Variants in FAM20B observed in about 807,000 individuals in gnomAD.
FAM20B encodes glycosaminoglycan xylosylkinase.
A neutral mutation model predicts 43.8 loss-of-function variants in FAM20B; 23 were observed. The observed-to-expected ratio is 0.53, with a 90% CI of 0.38 to 0.74. The LOEUF (loss-of-function observed/expected upper bound fraction) is 0.74. FAM20B is among the 30% of genes least tolerant of loss of function. FAM20B has a pLI of 0.00. For missense variants in FAM20B, 440 were observed against 510.5 expected, an observed-to-expected ratio of 0.86 and a Z score of 1.33; for synonymous variants, 178 against 192.4, an observed-to-expected ratio of 0.93 and a Z score of 0.62.
intron 4 of FAM20B, among the ~76,000 whole-genome samples, chr1:179,062,463 CAATATGGTGAAACCCCATCTCT>C (rs1651508770): frequency 6.6e-6 from 1 of 151,870 alleles, no homozygotes; most frequent in Non-Finnish European, 1.5e-5. Context: ...CCAGCCTGTC[CAATATGGTGAAACCCCATCTCT>C]AATAAAAATA....
Position 179,044,111 on chromosome 1 carries a change from G to A in FAM20B, c.264G>A (p.Met88Ile). 6.2e-7 allele frequency: 1 copy of A among 1,614,162 alleles called. No homozygotes were observed. The highest frequency in any genetic ancestry group is 8.5e-7 in the Non-Finnish European group (1 of 1,180,028). The change falls in exon 2 of 8, where the codon ATG becomes ATA. Residue 88 changes from methionine (M) to isoleucine (I), a missense_variant. Transcript: ENST00000263733. The part of the protein sequence containing the change: ...PEETPELGAV[M>I]HAMATKKIIK... ...AGACACCAGAGCTGGGGGCAGTCATGCATGCCATGGCCACCAAGAAAATCA... is the reference window on the plus strand; with the variant it reads ...AGACACCAGAGCTGGGGGCAGTCATACATGCCATGGCCACCAAGAAAATCA...
chr1:179,073,574 C>T lies in FAM20B; in HGVS notation c.*1430C>T, dbSNP rs1470227611. The T allele has an allele frequency of 6.6e-6, 1 of 152,218 alleles. No individual in the cohort carries two copies. The highest frequency in any genetic ancestry group is 1.9e-4 in the East Asian group (1 of 5,196). The allele number at this position is 152,218 out of a possible 1,614,324, so 9.4% of individuals were successfully genotyped here. On this transcript the variant is annotated 3_prime_UTR_variant, in exon 8 of 8. Transcript: ENST00000263733. Reference sequence around the variant, plus strand: ...CTGACCCCAGGTGATCCACCTGCCTCAGCCTTCCAAAGTGCTGGGATTACA... The same window carrying T: ...CTGACCCCAGGTGATCCACCTGCCTTAGCCTTCCAAAGTGCTGGGATTACA...
At chr1:179,061,990 G>A (rs1286065430) in intron 4 of FAM20B, among the ~76,000 whole-genome samples, 1 of 151,460 alleles carries the variant, frequency 6.6e-6, no homozygotes, top group African/African-American at 2.4e-5. Flanking sequence ...TGTGGTCCAG[G>A]ATCATTAAAA....
chr1:179,027,463 C>A (rs914108584), intron 1 of FAM20B, among the ~76,000 whole-genome samples: 1 of 152,212 alleles, frequency 6.6e-6, no homozygotes, highest in African/African-American at 2.4e-5. Flanking sequence ...CATAGCCAAT[C>A]TCAGGGAGAT....
At chr1:179,058,606 T>C (rs1319877034) in intron 4 of FAM20B, among the ~76,000 whole-genome samples, 1 of 152,014 alleles carries the variant, frequency 6.6e-6, no homozygotes, top group Non-Finnish European at 1.5e-5. Context: ...TGCTTAGGAG[T>C]AGAGACTTTC....
At chr1:179,051,980 AAAG>A (rs1017814446) in intron 3 of FAM20B, among the ~76,000 whole-genome samples, 1 of 148,860 alleles carries the variant, frequency 6.7e-6, no homozygotes, top group Middle Eastern at 3.2e-3. Context: ...CCAGAAAAAA[AAAG>A]GTGAAATGTT....
intron 3 of FAM20B, among the ~76,000 whole-genome samples, chr1:179,053,777 A>G (rs1312941138): frequency 6.6e-6 from 1 of 152,186 alleles, no homozygotes; most frequent in Non-Finnish European, 1.5e-5. Flanking sequence ...CATACAATAT[A>G]ATCTCGATTG....
intron 1 of FAM20B, among the ~76,000 whole-genome samples, chr1:179,040,998 C>T (rs1253448905): frequency 1.3e-5 from 2 of 149,488 alleles, no homozygotes; most frequent in Non-Finnish European, 3.0e-5. Flanking sequence ...CAGAGGCGCT[C>T]CCCACATCTC....
intron 1 of FAM20B, among the ~76,000 whole-genome samples, chr1:179,032,475 A>AT (rs892353549): frequency 6.6e-6 from 1 of 151,738 alleles, no homozygotes; most frequent in African/African-American, 2.4e-5. Flanking sequence ...TTCTTGTTTC[A>AT]TTTTTTTATA....
At chr1:179,055,540 A>G (rs1651179528) in intron 4 of FAM20B, among the ~76,000 whole-genome samples, 1 of 152,214 alleles carries the variant, frequency 6.6e-6, no homozygotes, top group South Asian at 2.1e-4. Flanking sequence ...AAAAGCATAC[A>G]ATGTTAGATA....
chr1:179,058,704 A>G (rs915625440), intron 4 of FAM20B, among the ~76,000 whole-genome samples: 1 of 152,228 alleles, frequency 6.6e-6, no homozygotes, highest in Non-Finnish European at 1.5e-5. Flanking sequence ...AGCATTGTCA[A>G]GGGTGCATTG....
upstream of FAM20B, among the ~76,000 whole-genome samples, chr1:179,023,818 AATT>A (rs1649648062): frequency 6.6e-6 from 1 of 152,102 alleles, no homozygotes; most frequent in African/African-American, 2.4e-5. Flanking sequence ...TGTGCTGCAT[AATT>A]TAAGTGTCCC....
At chr1:179,020,851 G>A (rs1018212114), upstream of FAM20B, among the ~76,000 whole-genome samples, 6 of 152,158 alleles carry the variant, frequency 3.9e-5, no homozygotes, top group South Asian at 1.2e-3. Flanking sequence ...CAGGAGGATC[G>A]CTTGAAGTCA....
intron 7 of FAM20B, among the ~76,000 whole-genome samples, chr1:179,068,714 G>A (rs1341935367): frequency 1.3e-5 from 2 of 152,108 alleles, no homozygotes; most frequent in Admixed American, 6.5e-5. Flanking sequence ...CATTACAGGC[G>A]TGAGCCACTG....
rs187354376 is a variant in FAM20B at position 179,046,173 on chromosome 1, G to A, written c.377+1949G>A. Among the ~76,000 whole-genome samples, 3 of 152,246 alleles carry A rather than the reference G, an allele frequency of 2.0e-5. No homozygotes were observed. The East Asian group carries it at 5.8e-4, about 29-fold the overall frequency. ...TATTTGTTAGAGTTGTAAACAGCTTGTATTCTGCCACACACATGGAATTCT... is the reference window on the plus strand; with the variant it reads ...TATTTGTTAGAGTTGTAAACAGCTTATATTCTGCCACACACATGGAATTCT... On this transcript the variant is annotated intron_variant, in intron 2 of 7. Coordinates refer to ENST00000263733, the MANE Select transcript of FAM20B (RefSeq NM_014864.4).
chr1:179,037,643 C>T (rs746955545), intron 1 of FAM20B, among the ~76,000 whole-genome samples: 1 of 151,954 alleles, frequency 6.6e-6, no homozygotes, highest in Non-Finnish European at 1.5e-5. Flanking sequence ...CCCACCACCA[C>T]GCCCAGCTAA....
chr1:179,067,790 G>A (rs193114990), intron 7 of FAM20B, among the ~76,000 whole-genome samples: 4 of 151,906 alleles, frequency 2.6e-5, no homozygotes, highest in Admixed American at 1.3e-4. Flanking sequence ...TTGAGACAGG[G>A]TCTGCATCTG....
intron 4 of FAM20B, among the ~76,000 whole-genome samples, chr1:179,056,831 C>A (rs1366218922): frequency 6.6e-6 from 1 of 152,108 alleles, no homozygotes; most frequent in Admixed American, 6.6e-5. Context: ...CTATTCTAAT[C>A]TAGTAGGTGT....
chr1:179,028,116 C>G (rs1277400307), intron 1 of FAM20B, among the ~76,000 whole-genome samples: 1 of 152,210 alleles, frequency 6.6e-6, no homozygotes, highest in Non-Finnish European at 1.5e-5. Context: ...TCTATCATTT[C>G]ATTGGTGTAA....
Sources: gnomAD v4.1 joint callset for allele counts (sites outside exome capture counted in the v4.1 genomes callset) on GRCh38, gnomAD v4.1.1 for gene constraint, MANE v1.5 for transcripts, NCBI Gene and HGNC (gene_info 2026-07-23, HGNC 2026-07-21) for gene names.